AMOTL1: variants seen among roughly 807,000 people sequenced by gnomAD.
AMOTL1 encodes angiomotin like 1, also known as angiomotin-like protein 1.
A neutral mutation model predicts 102.9 loss-of-function variants in AMOTL1; 45 were observed. The observed-to-expected ratio is 0.44, with a 90% CI of 0.34 to 0.56. The LOEUF is 0.56. AMOTL1 is among the 20% of genes least tolerant of loss of function. AMOTL1 has a pLI of 0.01. For missense variants in AMOTL1, 1,114 were observed against 1,225.6 expected (o/e 0.91, Z 1.36); for synonymous variants, 481 against 484.7 (o/e 0.99, Z 0.10).
chr11:94,870,495 C>T (rs1952975767), intron 12 of AMOTL1, among the ~76,000 whole-genome samples, 194 bp from the exon 13 acceptor site: 1 of 152,210 alleles, frequency 6.6e-6, no homozygotes, highest in African/African-American at 2.4e-5. Context: ...CTTCACCATC[C>T]TGGTTTGTAT....
intron 2 of AMOTL1, among the ~76,000 whole-genome samples, chr11:94,729,993 C>G (rs1215538051): frequency 2.0e-5 from 3 of 152,102 alleles, no homozygotes; most frequent in Non-Finnish European, 4.4e-5. Context: ...GACTGCTTCA[C>G]ACAATGAGAT....
intron 3 of AMOTL1, among the ~76,000 whole-genome samples, chr11:94,805,452 A>G (rs1318646246): frequency 6.6e-6 from 1 of 152,056 alleles, no homozygotes; most frequent in African/African-American, 2.4e-5. Context: ...GGTTTTCTTT[A>G]GATATTTTTA....
chr11:94,754,138 T>G (rs1276608817), intron 3 of AMOTL1, among the ~76,000 whole-genome samples: 1 of 152,120 alleles, frequency 6.6e-6, no homozygotes, highest in African/African-American at 2.4e-5. Flanking sequence ...CAGCACATAT[T>G]TGGCACTCTA....
intron 1 of AMOTL1, among the ~76,000 whole-genome samples, chr11:94,724,427 G>A (rs1261816515): frequency 1.3e-5 from 2 of 152,144 alleles, no homozygotes; most frequent in African/African-American, 4.8e-5. Context: ...GCTATCTGGC[G>A]AGGGAGTGAG....
At chr11:94,812,421 A>C (rs1351304915) in intron 3 of AMOTL1, among the ~76,000 whole-genome samples, 16 of 152,178 alleles carry the variant, frequency 1.1e-4, no homozygotes, top group Non-Finnish European at 1.5e-5. Context: ...CTTTCAACTG[A>C]ATACACAATT....
chr11:94,752,889 C>A (rs558572335), intron 3 of AMOTL1, among the ~76,000 whole-genome samples: 13 of 152,278 alleles, frequency 8.5e-5, no homozygotes, highest in African/African-American at 3.1e-4. Context: ...GTAAACCTGC[C>A]AGGGCTCCTT....
rs1450869002 is a variant in AMOTL1 at position 94,804,549 on chromosome 11, C to T, written c.1121+4238C>T. On this transcript the variant is annotated intron_variant, in intron 3 of 12. Coordinates refer to ENST00000433060, the MANE Select transcript of AMOTL1 (RefSeq NM_130847.3). ...TCAAGCAGTCTACTCACCTTGGCCT[C>T]CCAAAGTGTTAAGATTACAGGTGAA... 2.6e-5 allele frequency among the ~76,000 whole-genome samples: 4 copies of T among 152,146 alleles called. No individual in the cohort carries two copies. The South Asian group carries it at 8.3e-4, about 32-fold the overall frequency.
intron 3 of AMOTL1, among the ~76,000 whole-genome samples, chr11:94,756,724 C>A (rs1293740879): frequency 1.3e-5 from 2 of 152,096 alleles, no homozygotes; most frequent in East Asian, 3.9e-4. Flanking sequence ...CTTCTCTTTT[C>A]TACACTAGAT....
intron 6 of AMOTL1, among the ~76,000 whole-genome samples, chr11:94,836,289 A>G (rs1952178785): frequency 6.6e-6 from 1 of 152,218 alleles, no homozygotes. Flanking sequence ...GTCACACGTG[A>G]ACACACTGAT....
chr11:94,740,535 G>C (rs1207323362), intron 2 of AMOTL1, among the ~76,000 whole-genome samples: 1 of 151,642 alleles, frequency 6.6e-6, no homozygotes, highest in Non-Finnish European at 1.5e-5. Flanking sequence ...GGGCCCCCGG[G>C]ACCGCGGGAA....
intron 6 of AMOTL1, among the ~76,000 whole-genome samples, chr11:94,849,515 G>A (rs992989037): frequency 6.6e-6 from 1 of 152,124 alleles, no homozygotes; most frequent in Non-Finnish European, 1.5e-5. Context: ...CATTGAATGA[G>A]AGAAAAGCAG....
chr11:94,768,316 G>T (rs915797959), upstream of AMOTL1: 1 of 1,368,272 alleles, frequency 7.3e-7, no homozygotes, highest in Non-Finnish European at 9.4e-7. Context: ...GACCCTCCCC[G>T]GCCCGCGCGC....
At chr11:94,854,168 C>T (rs2135717307) in intron 8 of AMOTL1, 86 bp downstream of exon 8, 2 of 1,412,170 alleles carry the variant, frequency 1.4e-6, no homozygotes, top group Admixed American at 2.9e-5. Context: ...CCAGATCCTG[C>T]ACCTTGCTCC....
At chr11:94,769,891 A>T (rs1180105046) in intron 1 of AMOTL1, among the ~76,000 whole-genome samples, 2 of 152,152 alleles carry the variant, frequency 1.3e-5, no homozygotes, top group East Asian at 3.9e-4. Context: ...CTCGAGAGCC[A>T]GTTGTGATAC....
Position 94,724,097 on chromosome 11 carries a change from G to A in AMOTL1, c.-50-4824G>A, listed in dbSNP as rs1001866752. ...ATCTTAAGTATTTCTGGTGGAGAAG[G>A]AAGATCCCATTGTGTGACCTCTTCC... On this transcript the variant is annotated intron_variant, in intron 1 of 4. Coordinates refer to the AMOTL1 transcript ENST00000299004. Among the ~76,000 whole-genome samples, 5 of 152,216 alleles carry A rather than the reference G, an allele frequency of 3.3e-5. No homozygotes were observed. In the East Asian group the frequency reaches 9.7e-4, roughly 29 times the overall value.
At chr11:94,831,586 A>C in intron 6 of AMOTL1, 45 bp downstream of exon 6, 1 of 1,522,876 alleles carries the variant, frequency 6.6e-7, no homozygotes, top group Non-Finnish European at 9.0e-7. Context: ...TTTGTTTAAA[A>C]ACGGGGTCCT....
At chr11:94,807,928 G>A (rs1051197459) in intron 3 of AMOTL1, among the ~76,000 whole-genome samples, 1 of 133,086 alleles carries the variant, frequency 7.5e-6, no homozygotes, top group Admixed American at 8.2e-5. Flanking sequence ...AAGAGACACA[G>A]CTGTGGTTGG....
At chr11:94,842,402 A>G (rs1462494160) in intron 6 of AMOTL1, among the ~76,000 whole-genome samples, 2 of 152,138 alleles carry the variant, frequency 1.3e-5, no homozygotes, top group African/African-American at 2.4e-5. Context: ...CACTCAAAAG[A>G]ACCCCCACCT....
intron 2 of AMOTL1, among the ~76,000 whole-genome samples, chr11:94,732,490 A>T (rs1240830266): frequency 6.6e-6 from 1 of 152,134 alleles, no homozygotes; most frequent in Non-Finnish European, 1.5e-5. Flanking sequence ...CTGGGTTTTC[A>T]AACTCATTTT....
Sources: allele counts gnomAD v4.1 joint callset (sites outside exome capture counted in the v4.1 genomes callset), GRCh38; gene constraint gnomAD v4.1.1; transcripts MANE v1.5; gene names NCBI Gene and HGNC (gene_info 2026-07-23, HGNC 2026-07-21).